Variants in NPAS2 observed in about 807,000 individuals in gnomAD.
NPAS2 encodes the protein neuronal PAS domain protein 2, also known as neuronal PAS domain-containing protein 2.
A neutral mutation model predicts 107.5 loss-of-function variants in NPAS2; 23 were observed. The ratio of observed to expected loss-of-function variants is 0.21; its 90% CI spans 0.15 to 0.30. The LOEUF (loss-of-function observed/expected upper bound fraction) is 0.30. Among genes scored for constraint, NPAS2 ranks in the 10% least tolerant of loss-of-function variants. The pLI is 1.00. For synonymous variants in NPAS2, 403 were observed against 417.5 expected (o/e 0.97, Z 0.42); for missense variants, 756 against 1,043.3 (o/e 0.72, Z 3.79).
At chr2:100,993,589 C>T (rs1485115477) in intron 20 of NPAS2, 62 bp downstream of exon 20, 18 of 1,269,944 alleles carry the variant, frequency 1.4e-5, no homozygotes, top group Non-Finnish European at 1.7e-5. Context: ...GCTCCACACC[C>T]GAAGTCTCAG....
chr2:100,917,742 A>T (rs892922605), intron 2 of NPAS2, among the ~76,000 whole-genome samples: 1 of 152,150 alleles, frequency 6.6e-6, no homozygotes, highest in African/African-American at 2.4e-5. Context: ...AACCACGACT[A>T]CCAAACTCAC....
chr2:100,852,383 C>T lies in NPAS2; in HGVS notation c.-23+31969C>T, dbSNP rs139447099. Among the ~76,000 whole-genome samples the T allele has an allele frequency of 2.2e-3, 331 of 151,854 alleles. 1 individual carries two copies. Among genetic ancestry groups the T allele is most frequent in the Middle Eastern group, 6.8e-3 (2 of 294 alleles). ...CTGCGCTCCAGCCTGGGTGACAGAG[C>T]GAGACTCCATCTCAAAAAAAATAAA... On this transcript the variant is annotated intron_variant, in intron 1 of 20. Coordinates refer to ENST00000335681, the MANE Select transcript of NPAS2 (RefSeq NM_002518.4).
In NPAS2 at chr2:100,885,400, G is replaced by A. The variant is rs140437346; in HGVS notation, c.-22-19333G>A. Among the ~76,000 whole-genome samples the A allele has an allele frequency of 8.3e-3, 1,265 of 152,130 alleles. 9 individuals carry two copies. The highest frequency in any genetic ancestry group is 0.013 in the Non-Finnish European group (883 of 67,982). ...GTTGGTTTCTTTTTCTTCCAAATAG[G>A]TTGCAAAAATGAAATTTCTGTTTAA... On this transcript the variant is annotated intron_variant, in intron 1 of 20. Coordinates refer to ENST00000335681, the MANE Select transcript of NPAS2 (RefSeq NM_002518.4).
chr2:100,912,060 G>C (rs1682583514), intron 2 of NPAS2, among the ~76,000 whole-genome samples: 1 of 152,128 alleles, frequency 6.6e-6, no homozygotes, highest in Non-Finnish European at 1.5e-5. Flanking sequence ...GTGTGCTGCA[G>C]TTGCCTCTTA....
intron 10 of NPAS2, among the ~76,000 whole-genome samples, chr2:100,967,033 G>T (rs191164709): frequency 6.6e-5 from 10 of 152,052 alleles, no homozygotes; most frequent in African/African-American, 2.2e-4. Flanking sequence ...CACTGCATAG[G>T]CATCACGGGA....
At chr2:100,977,188 TGGG>T (rs1677073111) in intron 14 of NPAS2, 1 of 163,728 alleles carries the variant, frequency 6.1e-6, no homozygotes, top group South Asian at 1.8e-4. Flanking sequence ...TAAAAGGTTC[TGGG>T]CAGAGGCTGG....
chr2:100,852,114 T>A (rs1396456820), intron 1 of NPAS2, among the ~76,000 whole-genome samples: 2 of 152,122 alleles, frequency 1.3e-5, no homozygotes, highest in Non-Finnish European at 2.9e-5. Context: ...TAAAAGTTTT[T>A]GGCCGGGCAC....
intron 1 of NPAS2, among the ~76,000 whole-genome samples, chr2:100,877,769 CT>C (rs1162717698): frequency 6.6e-6 from 1 of 152,184 alleles, no homozygotes; most frequent in Non-Finnish European, 1.5e-5. Flanking sequence ...AGCAGCTTGG[CT>C]TGGCATCCCT....
At chr2:100,874,879 G>A (rs1679855328) in intron 1 of NPAS2, among the ~76,000 whole-genome samples, 1 of 152,142 alleles carries the variant, frequency 6.6e-6, no homozygotes, top group African/African-American at 2.4e-5. Flanking sequence ...AGAATTCCAG[G>A]GGCTCTCATG....
At chr2:100,983,370 G>T (rs1477032310) in intron 16 of NPAS2, 1 of 152,308 alleles carries the variant, frequency 6.6e-6, no homozygotes, top group African/African-American at 2.4e-5. Context: ...ATACACAGTG[G>T]TGCAGGTGTC....
chr2:100,912,366 A>G (rs1322435342), intron 2 of NPAS2, among the ~76,000 whole-genome samples: 2 of 152,110 alleles, frequency 1.3e-5, no homozygotes, highest in African/African-American at 4.8e-5. Context: ...CCCAGGTAAG[A>G]TATGCCAGAA....
intron 7 of NPAS2, among the ~76,000 whole-genome samples, chr2:100,955,388 G>A (rs565208265): frequency 5.3e-5 from 8 of 152,220 alleles, no homozygotes; most frequent in South Asian, 4.1e-4. Flanking sequence ...AATAAGCAGC[G>A]GATAAAAATA....
chr2:100,890,191 G>T (rs950173135), intron 1 of NPAS2, among the ~76,000 whole-genome samples: 1 of 152,174 alleles, frequency 6.6e-6, no homozygotes, highest in African/African-American at 2.4e-5. Flanking sequence ...TTAGGCCCCA[G>T]CCCTGGTATA....
chr2:100,969,569 T>G (rs1255539020), intron 11 of NPAS2, among the ~76,000 whole-genome samples: 2 of 151,818 alleles, frequency 1.3e-5, no homozygotes, highest in African/African-American at 4.9e-5. Context: ...TTCCATAAAA[T>G]TAGAAAAACC....
intron 1 of NPAS2, among the ~76,000 whole-genome samples, chr2:100,854,826 C>T (rs770428508): frequency 1.3e-5 from 2 of 152,178 alleles, no homozygotes; most frequent in Admixed American, 6.5e-5. Context: ...ATTGTTGGTA[C>T]GTGCATTCAC....
intron 2 of NPAS2, among the ~76,000 whole-genome samples, chr2:100,921,893 A>G (rs1279711249): frequency 6.6e-6 from 1 of 152,178 alleles, no homozygotes; most frequent in Non-Finnish European, 1.5e-5. Flanking sequence ...TCAGAACGGC[A>G]TTATTCTTAT....
intron 1 of NPAS2, among the ~76,000 whole-genome samples, chr2:100,836,709 A>G (rs1210303391): frequency 6.6e-6 from 1 of 152,192 alleles, no homozygotes; most frequent in East Asian, 1.9e-4. Context: ...CTTGGTTCCA[A>G]TGCCTCCCTG....
chr2:100,908,879 G>A (rs1019842820), intron 2 of NPAS2, among the ~76,000 whole-genome samples: 4 of 152,144 alleles, frequency 2.6e-5, no homozygotes, highest in Non-Finnish European at 5.9e-5. Context: ...GCTGATTCTT[G>A]GGGCTCTTAA....
chr2:100,857,865 T>C (rs1678683327), intron 1 of NPAS2, among the ~76,000 whole-genome samples: 2 of 152,274 alleles, frequency 1.3e-5, no homozygotes, highest in African/African-American at 2.4e-5. Context: ...GTCTCTCTTA[T>C]GTCTGCTTCG....
Sources: allele counts gnomAD v4.1 joint callset (sites outside exome capture counted in the v4.1 genomes callset), GRCh38; gene constraint gnomAD v4.1.1; transcripts MANE v1.5; gene names NCBI Gene and HGNC (gene_info 2026-07-23, HGNC 2026-07-21).